The following FOXP4 variants were observed in gnomAD, a reference collection of about 807,000 sequenced individuals.
The protein encoded by FOXP4 is forkhead box protein P4.
In FOXP4, 25 loss-of-function variants were observed where a neutral mutation model predicts 82.6. That is an observed-to-expected ratio of 0.30 (90% confidence interval 0.22 to 0.42). The LOEUF (loss-of-function observed/expected upper bound fraction) is 0.42, where lower values mean the gene tolerates loss of function less well. Among genes scored for constraint, FOXP4 ranks in the 10% least tolerant of loss-of-function variants. The pLI is 1.00. For missense variants in FOXP4, 785 were observed against 900.9 expected (o/e 0.87, Z 1.65); for synonymous variants, 415 against 388.2 (o/e 1.07, Z -0.81).
intron 3 of FOXP4, among the ~76,000 whole-genome samples, chr6:41,578,466 CTG>C (rs991822850): frequency 2.0e-5 from 3 of 151,952 alleles, no homozygotes; most frequent in African/African-American, 7.3e-5. Flanking sequence ...GTTCCTGTGT[CTG>C]GGGCTCAGCC....
At chr6:41,581,887 C>T (rs895267828) in intron 3 of FOXP4, among the ~76,000 whole-genome samples, 1 of 152,254 alleles carries the variant, frequency 6.6e-6, no homozygotes. Flanking sequence ...GGAAAGGCCA[C>T]ATCCTTTTTT....
intron 1 of FOXP4, among the ~76,000 whole-genome samples, chr6:41,552,217 G>A (rs758244871): frequency 6.6e-6 from 1 of 152,122 alleles, no homozygotes; most frequent in Admixed American, 6.5e-5. Flanking sequence ...AGAGGGTGGC[G>A]GTGTACTTCC....
At position 41,587,250 on chromosome 6, in the gene FOXP4, A is replaced by G. The variant is rs755389584; in HGVS notation, c.659-49A>G. ...GCCCCTGTTCTTGGGGCCAGGTAGAAAGCCGAGTGTTCGTGGGGCCCTGCC... is the reference window on the plus strand; with the variant it reads ...GCCCCTGTTCTTGGGGCCAGGTAGAGAGCCGAGTGTTCGTGGGGCCCTGCC... On this transcript the variant is annotated intron_variant, in intron 6 of 16. Transcript: ENST00000307972. The G allele has an allele frequency of 2.5e-6, 4 of 1,609,012 alleles. No homozygotes were observed. The East Asian group carries it at 8.9e-5, about 36-fold the overall frequency.
rs996231262 is a variant in FOXP4 at position 41,546,586 on chromosome 6, C to G, written c.-298C>G. ...GGCGGGGACGCCGGGGTCCGGGAGC[C>G]CGGGAGCCGGAGCGAGCTGACGAGC... is the stretch of plus-strand genomic sequence containing the variant. On this transcript the variant is annotated 5_prime_UTR_variant, in exon 1 of 17. Coordinates refer to ENST00000307972, the MANE Select transcript of FOXP4 (RefSeq NM_001012426.2). 1.3e-5 allele frequency: 2 copies of G among 148,470 alleles called. No individual in the cohort carries two copies. The highest frequency in any genetic ancestry group is 4.9e-5 in the African/African-American group (2 of 40,972). 9.2% of individuals were successfully genotyped at this position (148,470 alleles called of 1,614,324 possible).
At chr6:41,567,055 A>T (rs1764923660) in intron 2 of FOXP4, among the ~76,000 whole-genome samples, 1 of 152,214 alleles carries the variant, frequency 6.6e-6, no homozygotes, top group Non-Finnish European at 1.5e-5. Flanking sequence ...GTCAGACTGG[A>T]AGCAACACCA....
At chr6:41,588,808 G>A (rs1766321851) in intron 9 of FOXP4, 77 bp downstream of exon 9, 4 of 1,517,890 alleles carry the variant, frequency 2.6e-6, no homozygotes, top group Admixed American at 1.7e-5. Context: ...CTTGCTAGGT[G>A]GGCTCTGTTG....
intron 14 of FOXP4, 149 bp from the exon 15 acceptor site, chr6:41,597,027 C>G: frequency 1.3e-6 from 1 of 789,578 alleles, no homozygotes; most frequent in Non-Finnish European, 2.2e-6. Context: ...ACACACACAG[C>G]TCCAAGACAG....
chr6:41,581,331 C>T (rs1765788913), intron 3 of FOXP4, among the ~76,000 whole-genome samples: 1 of 152,240 alleles, frequency 6.6e-6, no homozygotes, highest in Non-Finnish European at 1.5e-5. Flanking sequence ...AAATAAGCTT[C>T]CTGTGTGTCA....
intron 2 of FOXP4, among the ~76,000 whole-genome samples, chr6:41,567,732 G>GA (rs1764963752): frequency 6.6e-6 from 1 of 152,202 alleles, no homozygotes; most frequent in African/African-American, 2.4e-5. Context: ...AGACAGAACT[G>GA]TCTGTACTGA....
chr6:41,554,234 C>T (rs1022986498), intron 1 of FOXP4, among the ~76,000 whole-genome samples: 1 of 152,232 alleles, frequency 6.6e-6, no homozygotes, highest in African/African-American at 2.4e-5. Context: ...AAATGCTGGC[C>T]ATAAGGGCTG....
intron 9 of FOXP4, 23 bp downstream of exon 9, chr6:41,588,754 G>A (rs900732879): frequency 1.2e-6 from 2 of 1,612,418 alleles, no homozygotes; most frequent in Admixed American, 1.7e-5. Flanking sequence ...AGATGCTGGG[G>A]AGGGACATGG....
At chr6:41,584,125 C>T (rs1765957718) in intron 3 of FOXP4, among the ~76,000 whole-genome samples, 1 of 152,256 alleles carries the variant, frequency 6.6e-6, no homozygotes, top group African/African-American at 2.4e-5. Context: ...CACATGCACA[C>T]ACATTAGGAC....
At chr6:41,588,026 G>T in intron 8 of FOXP4, 129 bp downstream of exon 8, 1 of 609,730 alleles carries the variant, frequency 1.6e-6, no homozygotes, top group Non-Finnish European at 3.0e-6. Flanking sequence ...ACTCCAGAGG[G>T]TTCTAGTTCT....
intron 2 of FOXP4, among the ~76,000 whole-genome samples, chr6:41,577,698 G>A (rs1765562946): frequency 6.6e-6 from 1 of 152,056 alleles, no homozygotes; most frequent in Non-Finnish European, 1.5e-5. Context: ...TCCTCTAAGA[G>A]TCCCTTTTTG....
In FOXP4 at chr6:41,591,203, CT is replaced by C; in HGVS notation, c.1435-16del. 6.3e-7 allele frequency: 1 copy of C among 1,595,792 alleles called. No individual in the cohort carries two copies. The highest frequency in any genetic ancestry group is 1.1e-5 in the South Asian group (1 of 88,178). On this transcript the variant is annotated splice_polypyrimidine_tract_variant and intron_variant, in intron 12 of 16. Coordinates refer to ENST00000307972, the MANE Select transcript of FOXP4 (RefSeq NM_001012426.2). The surrounding 1 kb of genome is among the most constrained non-coding windows in gnomAD (Gnocchi z 4.2). The stretch of plus-strand genomic sequence containing the variant: ...GAGGCCCAGGCTGACGGTCCCTTTG[CT>C]TGTTCCTTCCCCGCAGGCCATCCTG...
At chr6:41,559,722 T>C (rs538354447) in intron 1 of FOXP4, among the ~76,000 whole-genome samples, 2 of 152,200 alleles carry the variant, frequency 1.3e-5, no homozygotes, top group Non-Finnish European at 2.9e-5. Flanking sequence ...TTTGCAGATA[T>C]ATCATCTAGT....
In FOXP4 at chr6:41,562,581, A is replaced by T. The variant is rs191490401; in HGVS notation, c.-16-3164A>T. ...TTTCCAAACTTACTGTCTGATCTGCAACTTTATGATACTCCTTGAGTGTTG... is the reference window on the plus strand; with the variant it reads ...TTTCCAAACTTACTGTCTGATCTGCTACTTTATGATACTCCTTGAGTGTTG... On this transcript the variant is annotated intron_variant, in intron 1 of 16. Coordinates refer to ENST00000307972, the MANE Select transcript of FOXP4 (RefSeq NM_001012426.2). 4.9e-3 allele frequency among the ~76,000 whole-genome samples: 745 copies of T among 152,276 alleles called. 11 individuals carry two copies. Among genetic ancestry groups the T allele is most frequent in the African/African-American group, 0.017 (707 of 41,538 alleles).
intron 1 of FOXP4, among the ~76,000 whole-genome samples, chr6:41,552,633 C>G (rs1283894859): frequency 1.3e-5 from 2 of 152,170 alleles, no homozygotes; most frequent in African/African-American, 4.8e-5. Flanking sequence ...TGTCTGAGAC[C>G]TGAGCACAGG....
chr6:41,580,773 A>G, intron 3 of FOXP4, among the ~76,000 whole-genome samples: 1 of 152,096 alleles, frequency 6.6e-6, no homozygotes, highest in South Asian at 2.1e-4. Context: ...CTTGAGCCTG[A>G]GTGCAGTGGA....
Sources: gnomAD v4.1 joint callset for allele counts (sites outside exome capture counted in the v4.1 genomes callset) on GRCh38, gnomAD v4.1.1 for gene constraint, Gnocchi (gnomAD v3.1) non-coding constraint, MANE v1.5 for transcripts, NCBI Gene and HGNC (gene_info 2026-07-23, HGNC 2026-07-21) for gene names.